The following EFCAB8 variants were observed in gnomAD, a reference collection of about 807,000 sequenced individuals.
The protein encoded by EFCAB8 is EF-hand calcium binding domain 8, also known as EF-hand calcium-binding domain-containing protein 8.
A neutral mutation model predicts 116.3 loss-of-function variants in EFCAB8; 100 were observed. The ratio of observed to expected loss-of-function variants is 0.86; its 90% CI spans 0.73 to 1.02. The LOEUF is 1.02. Among genes scored for constraint, EFCAB8 ranks in the 50% least tolerant of loss-of-function variants. The pLI is 0.00. For synonymous variants in EFCAB8, 558 were observed against 567.9 expected (o/e 0.98, Z 0.25); for missense variants, 1,320 against 1,416.9 (o/e 0.93, Z 1.10).
In EFCAB8 at chr20:32,930,489, A is replaced by C. The variant is rs779276598; in HGVS notation, c.2504A>C (p.His835Pro). 9 of 1,551,992 alleles carry C rather than the reference A, an allele frequency of 5.8e-6. No individual in the cohort carries two copies. The African/African-American group carries it at 1.2e-4, about 21-fold the overall frequency. The change falls in exon 21 of 27, where the codon CAT becomes CCT. Residue 835 changes from histidine to proline, a missense_variant. Coordinates refer to ENST00000400522, the MANE Select transcript of EFCAB8 (RefSeq NM_001143967.2). ...MDGYIYAWSL[H>P]ENGGLLGKFP... The stretch of plus-strand genomic sequence containing the variant: ...GGCTACATCTACGCCTGGTCCCTCC[A>C]TGAGAATGGAGGCCTGCTGGGGAAG...
At chr20:32,859,578 A>G (rs1389087493) in intron 1 of EFCAB8, among the ~76,000 whole-genome samples, 3 of 152,222 alleles carry the variant, frequency 2.0e-5, no homozygotes, top group Non-Finnish European at 4.4e-5. Context: ...CTTACAAAAT[A>G]TTTAGTTTTG....
intron 5 of EFCAB8, among the ~76,000 whole-genome samples, chr20:32,879,713 AGT>A (rs980140276): frequency 3.9e-5 from 6 of 152,144 alleles, no homozygotes; most frequent in Admixed American, 1.3e-4. Flanking sequence ...CAAGGACGTT[AGT>A]TCAGATTCTT....
chr20:32,911,319 G>A (rs1286464261), intron 15 of EFCAB8, among the ~76,000 whole-genome samples, 161 bp from the exon 16 acceptor site: 1 of 152,224 alleles, frequency 6.6e-6, no homozygotes, highest in Non-Finnish European at 1.5e-5. Context: ...ATACAGGGCA[G>A]AGGAGGTCCT....
rs905455138 is a variant in EFCAB8 at position 32,908,255 on chromosome 20, G to A, written c.1309-20G>A. ...CCCCGAGACCCATGCTCAGCGTCTT[G>A]CCTTTTTCCCATCCCCCAGAATATT... On this transcript the variant is annotated intron_variant, in intron 13 of 26. Transcript: ENST00000400522. The A allele has an allele frequency of 8.0e-7, 1 of 1,249,776 alleles. No homozygotes were observed. The highest frequency in any genetic ancestry group is 1.0e-6 in the Non-Finnish European group (1 of 988,256). 77.4% of individuals were successfully genotyped at this position (1,249,776 alleles called of 1,614,324 possible). A position where few individuals can be genotyped will look rare whatever the true frequency, so the allele number is the denominator to read the frequency against.
At chr20:32,862,170 A>G (rs1984150866) in intron 1 of EFCAB8, among the ~76,000 whole-genome samples, 1 of 148,704 alleles carries the variant, frequency 6.7e-6, no homozygotes, top group South Asian at 2.1e-4. Flanking sequence ...TCACTCTGTC[A>G]TCCAGGCTGG....
chr20:32,881,093 G>T (rs1985314255), intron 5 of EFCAB8, among the ~76,000 whole-genome samples: 1 of 152,178 alleles, frequency 6.6e-6, no homozygotes, highest in Non-Finnish European at 1.5e-5. Context: ...AGGTTTGTAG[G>T]CTTCCTTTCA....
At chr20:32,890,761 A>T (rs958239791) in intron 7 of EFCAB8, among the ~76,000 whole-genome samples, 4 of 152,204 alleles carry the variant, frequency 2.6e-5, no homozygotes, top group Non-Finnish European at 5.9e-5. Context: ...TGCTCTGTAG[A>T]TGTCTGCCTA....
In EFCAB8 at chr20:32,868,138, C is replaced by T. The variant is rs970649262; in HGVS notation, c.208+391C>T. Among the ~76,000 whole-genome samples, 23 of 151,968 alleles carry T rather than the reference C, an allele frequency of 1.5e-4. 1 individual carries two copies. Among genetic ancestry groups the T allele is most frequent in the Admixed American group, 6.5e-5 (1 of 15,280 alleles). On this transcript the variant is annotated intron_variant, in intron 3 of 26. Coordinates refer to ENST00000400522, the MANE Select transcript of EFCAB8 (RefSeq NM_001143967.2). ...ACCAATGTGATATGTGGTCCAGGCT[C>T]GTCTGGGACTACTGGGCTCAAGTGA...
At chr20:32,926,779 C>T (rs566146879) in intron 20 of EFCAB8, among the ~76,000 whole-genome samples, 38 of 143,614 alleles carry the variant, frequency 2.6e-4, no homozygotes, top group Admixed American at 4.3e-4. Flanking sequence ...TTTGTTCTTG[C>T]GATAGTTTAC....
rs768704897 is a variant in EFCAB8, at chr20:32,898,641, C to T, written c.1088+18C>T. The T allele has an allele frequency of 2.5e-5, 18 of 717,916 alleles. No homozygotes were observed. Among genetic ancestry groups the T allele is most frequent in the Non-Finnish European group, 3.1e-5 (12 of 384,694 alleles). 44.5% of individuals were successfully genotyped at this position (717,916 alleles called of 1,614,324 possible). A position where few individuals can be genotyped will look rare whatever the true frequency, so the allele number is the denominator to read the frequency against. ...AAACCCAGGTAAGAAGTGCTTCTCT[C>T]CTGGCTAAGGCGGTGGGGCTGGAAG... is the stretch of plus-strand genomic sequence containing the variant. On this transcript the variant is annotated intron_variant, in intron 11 of 26. Coordinates refer to ENST00000400522, the MANE Select transcript of EFCAB8 (RefSeq NM_001143967.2).
intron 2 of EFCAB8, among the ~76,000 whole-genome samples, chr20:32,866,157 C>T (rs1984390720): frequency 6.6e-6 from 1 of 152,124 alleles, no homozygotes; most frequent in Non-Finnish European, 1.5e-5. Context: ...AGTGCTGTAT[C>T]CACAGTGCCT....
chr20:32,935,286 C>T (rs1361956409), intron 22 of EFCAB8, among the ~76,000 whole-genome samples: 5 of 147,828 alleles, frequency 3.4e-5, no homozygotes, highest in Admixed American at 6.9e-5. Flanking sequence ...CTGCAACCCC[C>T]GCCTCCCGGG....
intron 11 of EFCAB8, among the ~76,000 whole-genome samples, chr20:32,900,848 G>C (rs6120031): frequency 0.27 from 40,830 of 151,548 alleles, 5,894 homozygotes; most frequent in African/African-American, 0.38. Flanking sequence ...GATTACAGGC[G>C]TGAGCCACCA....
intron 3 of EFCAB8, among the ~76,000 whole-genome samples, chr20:32,868,900 G>A (rs1984555843): frequency 1.3e-5 from 2 of 152,000 alleles, no homozygotes; most frequent in Non-Finnish European, 2.9e-5. Context: ...CAAGAGAATC[G>A]CTTGAATCTG....
At chr20:32,894,209 G>C (rs1230950607) in intron 9 of EFCAB8, among the ~76,000 whole-genome samples, 1 of 152,170 alleles carries the variant, frequency 6.6e-6, no homozygotes. Context: ...CCCCATGCAG[G>C]GCCACCAACC....
At chr20:32,935,527 A>T (rs1482248531) in intron 22 of EFCAB8, among the ~76,000 whole-genome samples, 3 of 142,668 alleles carry the variant, frequency 2.1e-5, no homozygotes, top group African/African-American at 8.0e-5. Flanking sequence ...TTATTTTGAG[A>T]TGGAGTTTTG....
At chr20:32,885,376 G>T (rs4911272) in intron 5 of EFCAB8, 129 bp from the exon 6 acceptor site, 344,791 of 1,242,992 alleles carry the variant, frequency 0.28, 56,275 homozygotes, top group East Asian at 0.67. Flanking sequence ...GCGTGCGCAT[G>T]TGCGTGCGTG....
rs149176865 is a variant in EFCAB8 at position 32,890,488 on chromosome 20, G to C, written c.673+1082G>C. Among the ~76,000 whole-genome samples, 421 of 89,614 alleles carry C rather than the reference G, an allele frequency of 4.7e-3. 3 individuals carry two copies. The highest frequency in any genetic ancestry group is 0.018 in the Middle Eastern group (2 of 110). The allele number at this position is 89,614 out of a possible 152,430, so 58.8% of individuals were successfully genotyped here. On this transcript the variant is annotated intron_variant, in intron 7 of 26. Coordinates refer to ENST00000400522, the MANE Select transcript of EFCAB8 (RefSeq NM_001143967.2). ...TGTTTAGCACATGTCTCCTCCTCCAGACTGGAAGGTCAGGGACTGCATCTG... is the reference window on the plus strand; with the variant it reads ...TGTTTAGCACATGTCTCCTCCTCCACACTGGAAGGTCAGGGACTGCATCTG...
chr20:32,889,340 G>T lies in EFCAB8; in HGVS notation c.607G>T (p.Val203Phe). ...TQQLYNQPMW[V>F]IDMVCLHNMN... ...GCAGCTCTACAACCAGCCGATGTGG[G>T]TCATTGACATGGTATGTCTGCACAA... Residue 203 changes from valine to phenylalanine, a missense_variant, in exon 7 of 27, where the codon GTC (valine) becomes TTC (phenylalanine). Transcript: ENST00000400522. 1 of 1,551,812 alleles carries T rather than the reference G, an allele frequency of 6.4e-7. No homozygotes were observed. Among genetic ancestry groups the T allele is most frequent in the Non-Finnish European group, 8.7e-7 (1 of 1,147,016 alleles).
Sources: allele counts gnomAD v4.1 joint callset (sites outside exome capture counted in the v4.1 genomes callset), GRCh38; gene constraint gnomAD v4.1.1; transcripts MANE v1.5; gene names NCBI Gene and HGNC (gene_info 2026-07-23, HGNC 2026-07-21).